Variants in ASNSD1 observed in about 807,000 individuals in gnomAD.
ASNSD1 encodes asparagine synthetase domain containing 1.
Under a neutral mutation model 48.3 loss-of-function variants are expected in ASNSD1, and 36 were observed. The ratio of observed to expected loss-of-function variants is 0.75; its 90% CI spans 0.57 to 0.99. The LOEUF is 0.99. Among genes scored for constraint, ASNSD1 ranks in the 50% least tolerant of loss-of-function variants. The pLI, the probability that ASNSD1 is intolerant of heterozygous loss-of-function variation, is 0.00. For missense variants in ASNSD1, 714 were observed against 758.2 expected (o/e 0.94, Z 0.69); for synonymous variants, 257 against 262.1 (o/e 0.98, Z 0.19).
intron 1 of ASNSD1, among the ~76,000 whole-genome samples, 152 bp downstream of exon 1, chr2:189,661,762 C>T (rs1365695787): frequency 1.3e-5 from 2 of 152,232 alleles, no homozygotes; most frequent in Admixed American, 6.5e-5. Context: ...TTGACAGCCA[C>T]AGTTAGTCCT....
In ASNSD1 at chr2:189,667,335, C is replaced by G. The variant is rs1469318026; in HGVS notation, c.1203C>G (p.Val401=). Residue 401 remains valine, a synonymous_variant, in exon 4 of 6, where the codon GTC becomes GTG. Coordinates refer to ENST00000260952, the MANE Select transcript of ASNSD1 (RefSeq NM_019048.4). The part of the protein sequence containing the change: ...AAAADSPNKH[V]SVPDRITGRA... ...CTGCTGACAGTCCTAATAAACATGT[C>G]AGTGTACCAGATCGAATCACAGGAA... 1 of 1,614,148 alleles carries G rather than the reference C, an allele frequency of 6.2e-7. No individual in the cohort carries two copies. The highest frequency in any genetic ancestry group is 8.5e-7 in the Non-Finnish European group (1 of 1,180,018).
At chr2:189,668,028 C>A in intron 5 of ASNSD1, 83 bp downstream of exon 5, 1 of 1,304,982 alleles carries the variant, frequency 7.7e-7, no homozygotes. Flanking sequence ...TTTGTTTTCT[C>A]TTTGGAGACT....
Position 189,661,587 on chromosome 2 carries a change from C to T in ASNSD1, c.-246C>T. Reference sequence around the variant, plus strand: ...GATCCCCACCGACAATTCGACCCCACACAAGGAGGATCTAAGCAGCAAGGT... The same window carrying T: ...GATCCCCACCGACAATTCGACCCCATACAAGGAGGATCTAAGCAGCAAGGT... On this transcript the variant is annotated 5_prime_UTR_variant, in exon 1 of 6. Coordinates refer to ENST00000260952, the MANE Select transcript of ASNSD1 (RefSeq NM_019048.4). 2.5e-6 allele frequency: 1 copy of T among 399,364 alleles called. No homozygotes were observed. The allele number at this position is 399,364 out of a possible 1,614,324, so 24.7% of individuals were successfully genotyped here. A position where few individuals can be genotyped will look rare whatever the true frequency, so the allele number is the denominator to read the frequency against.
At chr2:189,663,226 A>G (rs527929319) in intron 1 of ASNSD1, among the ~76,000 whole-genome samples, 9 of 150,324 alleles carry the variant, frequency 6.0e-5, no homozygotes, top group Admixed American at 4.0e-4. Context: ...TTTGGTGTAT[A>G]TCATATATAT....
chr2:189,670,578 C>A lies in ASNSD1; in HGVS notation c.1784C>A (p.Ala595Asp). 2.5e-6 allele frequency: 4 copies of A among 1,614,070 alleles called. No homozygotes were observed. The highest frequency in any genetic ancestry group is 3.4e-6 in the Non-Finnish European group (4 of 1,179,964). The change falls in exon 6 of 6, where the codon GCC becomes GAC. Residue 595 changes from alanine to aspartate, a missense_variant. Physicochemically the swap from Ala to Asp is moderately radical, Grantham distance 126. Coordinates refer to ENST00000260952, the MANE Select transcript of ASNSD1 (RefSeq NM_019048.4). ...RLAAVELGLT[A>D]SALLPKRAMQ... Reference sequence around the variant, plus strand: ...GCAGCTGTGGAACTTGGTCTTACAGCCTCTGCTCTTCTGCCCAAACGGGCC... The same window carrying A: ...GCAGCTGTGGAACTTGGTCTTACAGACTCTGCTCTTCTGCCCAAACGGGCC...
At position 189,666,104 on chromosome 2, in the gene ASNSD1, A is replaced by G. The variant is rs1433912359; in HGVS notation, c.-29A>G. 13 of 1,499,954 alleles carry G rather than the reference A, an allele frequency of 8.7e-6. No individual in the cohort carries two copies. In the East Asian group the frequency reaches 3.0e-4, roughly 35 times the overall value. 92.9% of individuals were successfully genotyped at this position (1,499,954 alleles called of 1,614,324 possible). A position where few individuals can be genotyped will look rare whatever the true frequency, so the allele number is the denominator to read the frequency against. On this transcript the variant is annotated 5_prime_UTR_variant, in exon 4 of 6. Transcript: ENST00000260952. ...GAAAACTTAGACAAGACCAAAATCA[A>G]GAAATAGTCAACCTGATTTCACATA...
rs776794259 is a variant in ASNSD1 at position 189,667,116 on chromosome 2, G to A, written c.984G>A (p.Gly328=). ...CAAATGTTGCAATCCTGTTTTCTGG[G>A]GGCATTGATTCCATGGTTATTGCAA... ...RKANVAILFS[G]GIDSMVIATL... is the part of the protein sequence containing the mutation. The change falls in exon 4 of 6, where the codon GGG becomes GGA. Residue 328 remains glycine, a synonymous_variant. Coordinates refer to ENST00000260952, the MANE Select transcript of ASNSD1 (RefSeq NM_019048.4). 6.2e-7 allele frequency: 1 copy of A among 1,614,100 alleles called. No individual in the cohort carries two copies. The highest frequency in any genetic ancestry group is 8.5e-7 in the Non-Finnish European group (1 of 1,180,004).
intron 5 of ASNSD1, among the ~76,000 whole-genome samples, chr2:189,668,759 A>G (rs1191693002): frequency 6.6e-6 from 1 of 152,210 alleles, no homozygotes; most frequent in African/African-American, 2.4e-5. Flanking sequence ...TTAGTTACAT[A>G]TTGCAGATTA....
Position 189,666,691 on chromosome 2 carries a change from G to A in ASNSD1, c.559G>A (p.Val187Ile). 6.2e-7 allele frequency: 1 copy of A among 1,613,014 alleles called. No homozygotes were observed. The highest frequency in any genetic ancestry group is 8.5e-7 in the Non-Finnish European group (1 of 1,179,038). ...GLFRIDLKST[V>I]ISGCIILQLY... ...TTTCAGAATTGATCTTAAGTCTACT[G>A]TCATTTCCGGATGCATTATTTTACA... Residue 187 changes from valine to isoleucine, a missense_variant, in exon 4 of 6, where the codon GTC (valine) becomes ATC (isoleucine). By Grantham distance (29) the Val-to-Ile change is conservative. Transcript: ENST00000260952.
chr2:189,661,651 C>T, intron 1 of ASNSD1, 41 bp downstream of exon 1: 1 of 399,338 alleles, frequency 2.5e-6, no homozygotes, highest in Non-Finnish European at 4.4e-6. Flanking sequence ...GGACTCGGGA[C>T]CGGGCGCCAC....
Position 189,666,808 on chromosome 2 carries a change from G to A in ASNSD1, c.676G>A (p.Val226Ile). The change falls in exon 4 of 6, where the codon GTA becomes ATA. Residue 226 changes from valine (V) to isoleucine (I), a missense_variant. By Grantham distance (29) the Val-to-Ile change is conservative (BLOSUM62 3). Coordinates refer to ENST00000260952, the MANE Select transcript of ASNSD1 (RefSeq NM_019048.4). ...AATTTCAGCAGACTTACCAGCATTT[G>A]TATCAGTGGTAGCAAATGAAGCCAA... ...SQISADLPAF[V>I]SVVANEAKLY... is the part of the protein sequence containing the mutation. 6.2e-7 allele frequency: 1 copy of A among 1,614,074 alleles called. No individual in the cohort carries two copies. Among genetic ancestry groups the A allele is most frequent in the South Asian group, 1.1e-5 (1 of 91,080 alleles).
At chr2:189,663,984 T>A (rs1268183081) in intron 2 of ASNSD1, 30 bp downstream of exon 2, 3 of 383,682 alleles carry the variant, frequency 7.8e-6, no homozygotes, top group Non-Finnish European at 1.4e-5. Flanking sequence ...CTGAATAATA[T>A]GTGGGAGGTT....
At chr2:189,668,155 T>C (rs1458613594) in intron 5 of ASNSD1, among the ~76,000 whole-genome samples, 1 of 152,194 alleles carries the variant, frequency 6.6e-6, no homozygotes, top group African/African-American at 2.4e-5. Flanking sequence ...CTCTAAGAAA[T>C]GTCTTTTCAG....
rs112282366 is a variant in ASNSD1 at position 189,667,428 on chromosome 2, T to G, written c.1296T>G (p.Val432=). ...TTTGGAATTTTGTTGAAATTAATGTTTCTATGGAAGAACTGCAGAAATTAA... is the reference window on the plus strand; with the variant it reads ...TTTGGAATTTTGTTGAAATTAATGTGTCTATGGAAGAACTGCAGAAATTAA... The part of the protein sequence containing the change: ...SRIWNFVEIN[V]SMEELQKLRR... The change falls in exon 4 of 6, where the codon GTT becomes GTG. Residue 432 remains valine, a synonymous_variant. Coordinates refer to ENST00000260952, the MANE Select transcript of ASNSD1 (RefSeq NM_019048.4). The G allele has an allele frequency of 4.3e-6, 7 of 1,614,100 alleles. No individual in the cohort carries two copies. The highest frequency in any genetic ancestry group is 2.7e-5 in the African/African-American group (2 of 74,950).
At chr2:189,665,065 G>T (rs1317362155) in intron 2 of ASNSD1, among the ~76,000 whole-genome samples, 1 of 152,014 alleles carries the variant, frequency 6.6e-6, no homozygotes, top group Non-Finnish European at 1.5e-5. Flanking sequence ...TTGGCATTTT[G>T]GTGTTCTTGT....
chr2:189,666,965 A>ACAT lies in ASNSD1; in HGVS notation c.834_836dup (p.His278_Met279insIle). 1 of 1,614,196 alleles carries ACAT rather than the reference A, an allele frequency of 6.2e-7. No individual in the cohort carries two copies. Among genetic ancestry groups the ACAT allele is most frequent in the Non-Finnish European group, 8.5e-7 (1 of 1,180,028 alleles). The stretch of plus-strand genomic sequence containing the variant: ...CTTCAAGTCTTTCTTACTGATGTAC[A>ACAT]CATGAAGGAAGTAATTCAGCAGTTC... On this transcript the variant is annotated inframe_insertion, in exon 4 of 6. Transcript: ENST00000260952.
In ASNSD1 at chr2:189,667,269, A is replaced by C. The variant is rs1436951219; in HGVS notation, c.1137A>C (p.Glu379Asp). ...GGAATAAACAGAAAAATAAATGTGA[A>C]ATACCTTCAGAAGAATTCTCTAAAG... ...REGNKQKNKC[E>D]IPSEEFSKDV... The change falls in exon 4 of 6, where the codon GAA (glutamate) becomes GAC (aspartate). Residue 379 changes from glutamate (E) to aspartate (D), a missense_variant. By Grantham distance (45) the Glu-to-Asp change is conservative. Coordinates refer to ENST00000260952, the MANE Select transcript of ASNSD1 (RefSeq NM_019048.4). The C allele has an allele frequency of 1.2e-6, 2 of 1,614,144 alleles. No homozygotes were observed. The highest frequency in any genetic ancestry group is 4.5e-5 in the East Asian group (2 of 44,888).
At position 189,666,715 on chromosome 2, in the gene ASNSD1, C is replaced by T. The variant is rs1325281644; in HGVS notation, c.583C>T (p.Gln195Ter). The stretch of plus-strand genomic sequence containing the variant: ...TGTCATTTCCGGATGCATTATTTTA[C>T]AACTGTATCCTTGGAAATATATTTC... ...STVISGCIIL[Q>*]LYPWKYISRE... The change falls in exon 4 of 6, where the codon CAA (glutamine) becomes TAA (stop). Residue 195 changes from glutamine to a stop codon, truncating the protein, a stop_gained. Coordinates refer to ENST00000260952, the MANE Select transcript of ASNSD1 (RefSeq NM_019048.4). LOFTEE classifies it high-confidence loss of function. 6.2e-7 allele frequency: 1 copy of T among 1,612,652 alleles called. No individual in the cohort carries two copies.
Position 189,666,403 on chromosome 2 carries a change from G to A in ASNSD1, c.271G>A (p.Asp91Asn). The A allele has an allele frequency of 1.2e-6, 2 of 1,613,998 alleles. No individual in the cohort carries two copies. Among genetic ancestry groups the A allele is most frequent in the Non-Finnish European group, 1.7e-6 (2 of 1,179,988 alleles). Reference protein sequence around the residue: ...SGIKVEAEENDTQILFNYLSS... With the variant: ...SGIKVEAEENNTQILFNYLSS... ...AATAAAGGTTGAAGCTGAAGAGAAT[G>A]ACACTCAAATTTTGTTTAATTATCT... Residue 91 changes from aspartate to asparagine, a missense_variant, in exon 4 of 6, where the codon GAC (aspartate) becomes AAC (asparagine). Asp to Asn is a conservative substitution (Grantham distance 23). Coordinates refer to ENST00000260952, the MANE Select transcript of ASNSD1 (RefSeq NM_019048.4).
Sources: allele counts gnomAD v4.1 joint callset (sites outside exome capture counted in the v4.1 genomes callset), GRCh38; gene constraint gnomAD v4.1.1; transcripts MANE v1.5; gene names NCBI Gene and HGNC (gene_info 2026-07-23, HGNC 2026-07-21).